Variants in JAKMIP2 observed in about 807,000 individuals in gnomAD.
JAKMIP2 encodes the protein janus kinase and microtubule-interacting protein 2.
Under a neutral mutation model 115.0 loss-of-function variants are expected in JAKMIP2, and 25 were observed. The observed-to-expected ratio is 0.22, with a 90% CI of 0.16 to 0.30. The LOEUF (loss-of-function observed/expected upper bound fraction) is 0.30, where lower values mean the gene tolerates loss of function less well. Among genes scored for constraint, JAKMIP2 ranks in the 10% least tolerant of loss-of-function variants. JAKMIP2 has a pLI of 1.00. For missense variants in JAKMIP2, 642 were observed against 957.6 expected (o/e 0.67, Z 4.35); for synonymous variants, 334 against 343.6 (o/e 0.97, Z 0.31).
At chr5:147,752,868 C>A (rs1754608896) in intron 1 of JAKMIP2, among the ~76,000 whole-genome samples, 1 of 152,048 alleles carries the variant, frequency 6.6e-6, no homozygotes, top group African/African-American at 2.4e-5. Flanking sequence ...AGGCCATCTG[C>A]TGAGATGGGG....
intron 7 of JAKMIP2, among the ~76,000 whole-genome samples, chr5:147,642,222 G>T (rs181472037): frequency 6.6e-6 from 1 of 152,044 alleles, no homozygotes; most frequent in Admixed American, 6.6e-5. Context: ...TTGCATCCTT[G>T]TTCTCACCTG....
At chr5:147,747,254 T>C (rs756188158) in intron 1 of JAKMIP2, among the ~76,000 whole-genome samples, 11 of 152,102 alleles carry the variant, frequency 7.2e-5, no homozygotes, top group Non-Finnish European at 1.3e-4. Flanking sequence ...AGAAATGATC[T>C]GCTCTTCATT....
At position 147,782,535 on chromosome 5, in the gene JAKMIP2, C is replaced by G; in HGVS notation, c.-228G>C. 1 of 1,472,364 alleles carries G rather than the reference C, an allele frequency of 6.8e-7. No individual in the cohort carries two copies. Among genetic ancestry groups the G allele is most frequent in the Non-Finnish European group, 9.2e-7 (1 of 1,088,988 alleles). The allele number at this position is 1,472,364 out of a possible 1,614,324, so 91.2% of individuals were successfully genotyped here. On this transcript the variant is annotated 5_prime_UTR_variant, in exon 1 of 22. Coordinates refer to ENST00000616793, the MANE Select transcript of JAKMIP2 (RefSeq NM_001270941.2). ...ATTTTCCTTGTGACCGAGTCGGATG[C>G]AGCCTCCGAACCCAACATCAGCAGT... is the stretch of plus-strand genomic sequence containing the variant.
At chr5:147,667,319 A>G (rs1030042354) in intron 2 of JAKMIP2, among the ~76,000 whole-genome samples, 5 of 152,198 alleles carry the variant, frequency 3.3e-5, no homozygotes, top group African/African-American at 1.2e-4. Flanking sequence ...ATGACAGGGA[A>G]AAAAGAATTT....
At chr5:147,702,271 A>C (rs1428600247) in intron 1 of JAKMIP2, among the ~76,000 whole-genome samples, 1 of 150,814 alleles carries the variant, frequency 6.6e-6, no homozygotes, top group East Asian at 2.0e-4. Context: ...CAAGGGCATA[A>C]GAATGATACA....
chr5:147,665,541 CT>C (rs1759252862), intron 2 of JAKMIP2, among the ~76,000 whole-genome samples: 1 of 152,130 alleles, frequency 6.6e-6, no homozygotes, highest in Non-Finnish European at 1.5e-5. Context: ...ACAAGGGAAA[CT>C]TTTAGCCATT....
intron 2 of JAKMIP2, among the ~76,000 whole-genome samples, chr5:147,670,222 C>G (rs191569315): frequency 1.2e-4 from 19 of 152,124 alleles, no homozygotes; most frequent in Non-Finnish European, 2.2e-4. Flanking sequence ...CCAAAGGCCA[C>G]TTATTATTGT....
At chr5:147,734,161 T>C (rs1753832793) in intron 1 of JAKMIP2, among the ~76,000 whole-genome samples, 1 of 152,068 alleles carries the variant, frequency 6.6e-6, no homozygotes, top group African/African-American at 2.4e-5. Flanking sequence ...AAAAAGCTCA[T>C]TATCACTAGT....
At chr5:147,764,991 G>GGA (rs71001457) in intron 1 of JAKMIP2, among the ~76,000 whole-genome samples, 4,729 of 36,906 alleles carry the variant, frequency 0.13, 669 homozygotes, top group Admixed American at 0.17. Context: ...AGAGAGAGAG[G>GGA]GAGAGAGAGA....
chr5:147,660,864 A>T lies in JAKMIP2; in HGVS notation c.627+84T>A, dbSNP rs534760689. 237 of 1,471,612 alleles carry T rather than the reference A, an allele frequency of 1.6e-4. No homozygotes were observed. In the African/African-American group the frequency reaches 2.6e-3, roughly 16 times the overall value. 91.2% of individuals were successfully genotyped at this position (1,471,612 alleles called of 1,614,324 possible). A position where few individuals can be genotyped will look rare whatever the true frequency, so the allele number is the denominator to read the frequency against. On this transcript the variant is annotated intron_variant, in intron 3 of 21. Coordinates refer to ENST00000616793, the MANE Select transcript of JAKMIP2 (RefSeq NM_001270941.2). ...CTGTTTACAATCCACTGACAAGAAA[A>T]CACATGAAGAAGCAAACCCCACAGC...
chr5:147,654,566 A>G (rs1758580943), intron 3 of JAKMIP2, among the ~76,000 whole-genome samples: 1 of 152,144 alleles, frequency 6.6e-6, no homozygotes, highest in Non-Finnish European at 1.5e-5. Flanking sequence ...TTGCTTTTGT[A>G]TCCTGAGACT....
At chr5:147,662,208 A>G (rs1759033676) in intron 2 of JAKMIP2, among the ~76,000 whole-genome samples, 1 of 151,170 alleles carries the variant, frequency 6.6e-6, no homozygotes, top group South Asian at 2.1e-4. Context: ...ACCACCAACA[A>G]CAAAACTGCA....
intron 3 of JAKMIP2, chr5:147,660,617 T>C (rs1758908276): frequency 2.8e-6 from 1 of 357,054 alleles, no homozygotes. Context: ...TTAGAATATT[T>C]TTATAAATAT....
chr5:147,686,559 C>T (rs1411624019), intron 1 of JAKMIP2, among the ~76,000 whole-genome samples: 1 of 152,128 alleles, frequency 6.6e-6, no homozygotes. Flanking sequence ...AGCACAGTGC[C>T]TCATAGTAGA....
At chr5:147,616,535 C>A (rs749248799) in intron 19 of JAKMIP2, among the ~76,000 whole-genome samples, 3 of 152,172 alleles carry the variant, frequency 2.0e-5, no homozygotes, top group Non-Finnish European at 2.9e-5. Context: ...GTAAACACTT[C>A]AGTGTTTCCA....
chr5:147,726,252 T>G (rs1580841476), intron 1 of JAKMIP2, among the ~76,000 whole-genome samples: 1 of 152,228 alleles, frequency 6.6e-6, no homozygotes, highest in East Asian at 1.9e-4. Context: ...CAATATTGGG[T>G]GCTAACTGGA....
chr5:147,628,583 G>A (rs1040831859), intron 16 of JAKMIP2, among the ~76,000 whole-genome samples, 168 bp downstream of exon 16: 5 of 151,906 alleles, frequency 3.3e-5, no homozygotes, highest in Non-Finnish European at 7.4e-5. Context: ...TAGACTTTTC[G>A]TTTGGGTGTT....
chr5:147,764,862 GT>G (rs1351299898), intron 1 of JAKMIP2, among the ~76,000 whole-genome samples: 1 of 146,352 alleles, frequency 6.8e-6, no homozygotes, highest in African/African-American at 2.6e-5. Flanking sequence ...CTCCAGGCTG[GT>G]GACAGAGTGA....
At chr5:147,599,325 G>A (rs1252964938) in intron 21 of JAKMIP2, among the ~76,000 whole-genome samples, 1 of 152,088 alleles carries the variant, frequency 6.6e-6, no homozygotes, top group Admixed American at 6.5e-5. Context: ...CTAATCTTGG[G>A]TGGATTAAAT....
Sources: gnomAD v4.1 joint callset for allele counts (sites outside exome capture counted in the v4.1 genomes callset) on GRCh38, gnomAD v4.1.1 for gene constraint, MANE v1.5 for transcripts, NCBI Gene and HGNC (gene_info 2026-07-23, HGNC 2026-07-21) for gene names.